The following TRIM9 variants were observed in gnomAD, a reference collection of about 807,000 sequenced individuals.
The protein encoded by TRIM9 is E3 ubiquitin-protein ligase TRIM9.
In TRIM9, 26 loss-of-function variants were observed where a neutral mutation model predicts 78.3. That is an observed-to-expected ratio of 0.33 (90% CI 0.24 to 0.46). TRIM9 has a LOEUF of 0.46. Ranked by LOEUF, TRIM9 falls within the 20% of genes least tolerant of loss-of-function variation. The pLI is 1.00. For synonymous variants in TRIM9, 398 were observed against 416.5 expected (o/e 0.96, Z 0.54); for missense variants, 787 against 1,036.4 (o/e 0.76, Z 3.30).
At chr14:51,035,443 A>AT (rs2139916119) in intron 1 of TRIM9, among the ~76,000 whole-genome samples, 1 of 152,284 alleles carries the variant, frequency 6.6e-6, no homozygotes, top group African/African-American at 2.4e-5. Context: ...TATTTATCTG[A>AT]TTTTTCACTT....
intron 1 of TRIM9, among the ~76,000 whole-genome samples, chr14:51,052,860 G>A (rs1283936719): frequency 6.6e-6 from 1 of 152,110 alleles, no homozygotes. Context: ...CACTGATGGA[G>A]AAAATTTGCC....
At chr14:51,065,455 G>A (rs150766901) in intron 1 of TRIM9, among the ~76,000 whole-genome samples, 67 of 152,270 alleles carry the variant, frequency 4.4e-4, no homozygotes, top group African/African-American at 1.5e-3. Flanking sequence ...GTCACAATAT[G>A]TCATCTTCCA....
At chr14:51,054,311 T>TGTTGTTGTC (rs1012351499) in intron 1 of TRIM9, among the ~76,000 whole-genome samples, 10 of 151,974 alleles carry the variant, frequency 6.6e-5, no homozygotes, top group Admixed American at 2.0e-4. Flanking sequence ...TTGTTGTTGT[T>TGTTGTTGTC]GTCCAGGCTG....
intron 1 of TRIM9, among the ~76,000 whole-genome samples, chr14:51,059,251 C>T (rs894368978): frequency 6.6e-6 from 1 of 152,230 alleles, no homozygotes; most frequent in African/African-American, 2.4e-5. Flanking sequence ...CCTCATGTTA[C>T]TATGGTTACC....
intron 1 of TRIM9, among the ~76,000 whole-genome samples, chr14:51,029,600 T>C (rs539924237): frequency 1.7e-4 from 25 of 151,268 alleles, no homozygotes; most frequent in African/African-American, 6.2e-4. Context: ...ACTCAGTACA[T>C]TGCTGACATA....
At chr14:50,979,610 T>A in intron 11 of TRIM9, 61 bp from the exon 12 acceptor site, 1 of 1,413,042 alleles carries the variant, frequency 7.1e-7, no homozygotes. Context: ...AGCTCCCCCC[T>A]TTTGTGTGGT....
chr14:51,051,207 C>A (rs562123308), intron 1 of TRIM9, among the ~76,000 whole-genome samples: 1 of 152,248 alleles, frequency 6.6e-6, no homozygotes, highest in East Asian at 1.9e-4. Context: ...CTATAGGAAA[C>A]CTTCGTTGTT....
In TRIM9 at chr14:51,071,059, C is replaced by T. The variant is rs149786009; in HGVS notation, c.822+23059G>A. On this transcript the variant is annotated intron_variant, in intron 1 of 12. Coordinates refer to ENST00000684578, the MANE Select transcript of TRIM9 (RefSeq NM_001387360.1). ...CGGGGTTTTGGTGGACTGATGGGGA[C>T]GACAAAATAAGAATCCTGTCACCTA... Among the ~76,000 whole-genome samples, 49 of 151,978 alleles carry T rather than the reference C, an allele frequency of 3.2e-4. 1 individual carries two copies. The East Asian group carries it at 8.5e-3, about 26-fold the overall frequency.
At chr14:51,024,680 G>A (rs920855073) in intron 2 of TRIM9, among the ~76,000 whole-genome samples, 14 of 152,184 alleles carry the variant, frequency 9.2e-5, no homozygotes, top group Admixed American at 5.2e-4. Context: ...TGAAATTATA[G>A]TTGCCAGGGG....
intron 1 of TRIM9, among the ~76,000 whole-genome samples, chr14:51,078,189 C>A (rs1273212332): frequency 1.3e-5 from 2 of 152,130 alleles, no homozygotes; most frequent in African/African-American, 4.8e-5. Flanking sequence ...GATCTAAATT[C>A]TTTAACATGG....
intron 1 of TRIM9, among the ~76,000 whole-genome samples, chr14:51,083,120 C>T (rs28627581): frequency 0.35 from 53,622 of 152,042 alleles, 9,801 homozygotes; most frequent in Admixed American, 0.42. Context: ...AACAGATTCC[C>T]ACATCTTGCT....
chr14:51,082,495 A>C (rs2063394062), intron 1 of TRIM9, among the ~76,000 whole-genome samples: 1 of 152,238 alleles, frequency 6.6e-6, no homozygotes, highest in African/African-American at 2.4e-5. Context: ...CATTATGCGA[A>C]GTAAAAGAAG....
intron 7 of TRIM9, 42 bp downstream of exon 7, chr14:50,998,008 C>A (rs1281880194): frequency 6.2e-7 from 1 of 1,612,540 alleles, no homozygotes; most frequent in Non-Finnish European, 8.5e-7. Flanking sequence ...CTTTAGATGC[C>A]ACGCAGTTCT....
intron 7 of TRIM9, chr14:50,997,492 G>T (rs892393716): frequency 9.1e-6 from 9 of 985,648 alleles, no homozygotes; most frequent in Admixed American, 1.2e-4. Flanking sequence ...TCCGCTTTGG[G>T]TATGAAACGG....
At chr14:51,039,120 T>C (rs1277419279) in intron 1 of TRIM9, among the ~76,000 whole-genome samples, 1 of 152,224 alleles carries the variant, frequency 6.6e-6, no homozygotes, top group South Asian at 2.1e-4. Flanking sequence ...TGGCACAGCT[T>C]CTTTAAAAAC....
Position 50,981,938 on chromosome 14 carries a change from T to C in TRIM9, c.2024A>G (p.Asn675Ser), listed in dbSNP as rs200221592. ...YWELTVDRYD[N>S]HPDPAFGVAR... is the part of the protein sequence containing the mutation. ...CACACCAAAGGCAGGATCAGGGTGG[T>C]TGTCATAGCGATCTACCGTGAGCTC... Residue 675 changes from asparagine (N) to serine (S), a missense_variant, in exon 11 of 13, where the codon AAC becomes AGC. Around this residue, in one of 3 missense-constraint regions of TRIM9, gnomAD observed 421 missense variants for 514.3 expected, o/e 0.82. Transcript: ENST00000684578. 8.7e-6 allele frequency: 14 copies of C among 1,614,010 alleles called. No homozygotes were observed. The highest frequency in any genetic ancestry group is 3.3e-4 in the Middle Eastern group (2 of 6,084).
intron 7 of TRIM9, among the ~76,000 whole-genome samples, chr14:50,988,663 G>A (rs2053064605): frequency 6.8e-6 from 1 of 146,966 alleles, no homozygotes; most frequent in African/African-American, 2.5e-5. Flanking sequence ...CTAAGTAGCT[G>A]TTAACAACAA....
chr14:51,063,557 C>A (rs868859449), intron 1 of TRIM9, among the ~76,000 whole-genome samples: 1 of 151,770 alleles, frequency 6.6e-6, no homozygotes, highest in Non-Finnish European at 1.5e-5. Flanking sequence ...AGTCAAAGTC[C>A]TAAAAACCAA....
chr14:51,094,030 C>T (rs1357472478), intron 1 of TRIM9, 88 bp downstream of exon 1: 2 of 1,365,598 alleles, frequency 1.5e-6, no homozygotes, highest in Middle Eastern at 1.9e-4. Context: ...CACTGGGATG[C>T]GCTGTGCGCA....
Sources: gnomAD v4.1 joint callset for allele counts (sites outside exome capture counted in the v4.1 genomes callset) on GRCh38, gnomAD v4.1.1 for gene constraint, gnomAD v4.1.1 regional missense constraint, MANE v1.5 for transcripts, NCBI Gene and HGNC (gene_info 2026-07-23, HGNC 2026-07-21) for gene names.